ATG10: variants seen among roughly 807,000 people sequenced by gnomAD.
ATG10 encodes ubiquitin-like-conjugating enzyme ATG10.
A neutral mutation model predicts 32.1 loss-of-function variants in ATG10; 30 were observed. The observed-to-expected ratio is 0.94, with a 90% confidence interval of 0.70 to 1.27. ATG10 has a LOEUF of 1.27. Ranked by LOEUF, ATG10 falls within the 50% of genes most tolerant of loss-of-function variation. ATG10 has a pLI of 0.00. For missense variants in ATG10, 233 were observed against 262.3 expected (o/e 0.89, Z 0.77); for synonymous variants, 87 against 91.5 (o/e 0.95, Z 0.28).
chr5:82,139,559 C>T (rs1490244962), intron 3 of ATG10, among the ~76,000 whole-genome samples: 34 of 143,152 alleles, frequency 2.4e-4, no homozygotes, highest in Middle Eastern at 3.5e-3. Flanking sequence ...TGAGGAGCGT[C>T]TCTGCCCGGC....
At chr5:82,130,270 C>T (rs1766467378) in intron 3 of ATG10, among the ~76,000 whole-genome samples, 2 of 152,136 alleles carry the variant, frequency 1.3e-5, no homozygotes, top group South Asian at 4.1e-4. Flanking sequence ...TGGATCTTAG[C>T]TTGCTGTGCT....
At chr5:82,049,228 A>C (rs919417496) in intron 2 of ATG10, among the ~76,000 whole-genome samples, 2 of 151,996 alleles carry the variant, frequency 1.3e-5, no homozygotes, top group Non-Finnish European at 2.9e-5. Flanking sequence ...ATAAAAAATG[A>C]TGAGTTCATG....
chr5:82,172,166 C>T (rs1332741734), intron 4 of ATG10, among the ~76,000 whole-genome samples: 1 of 152,094 alleles, frequency 6.6e-6, no homozygotes, highest in Non-Finnish European at 1.5e-5. Context: ...ATAGGTTAGG[C>T]AGTGTTGATG....
At chr5:81,995,442 C>G (rs1761633143) in intron 2 of ATG10, among the ~76,000 whole-genome samples, 1 of 152,134 alleles carries the variant, frequency 6.6e-6, no homozygotes, top group Non-Finnish European at 1.5e-5. Flanking sequence ...CATGCCCAGC[C>G]TGAGTTTTTA....
Position 81,987,625 on chromosome 5 carries a change from T to A in ATG10, c.55T>A (p.Phe19Ile), listed in dbSNP as rs767124745. ...AACATTCCAACGTTATTGTGCAGAATTCATTAAACATTCACAACAGATAGG... is the reference window on the plus strand; with the variant it reads ...AACATTCCAACGTTATTGTGCAGAAATCATTAAACATTCACAACAGATAGG... ...EKTFQRYCAEFIKHSQQIGDS... is the reference protein window; with the variant it reads ...EKTFQRYCAEIIKHSQQIGDS... The change falls in exon 2 of 8, where the codon TTC becomes ATC. Residue 19 changes from phenylalanine to isoleucine, a missense_variant. Physicochemically the swap from Phe to Ile is conservative, Grantham distance 21. Coordinates refer to ENST00000282185, the MANE Select transcript of ATG10 (RefSeq NM_031482.5). The A allele has an allele frequency of 1.6e-5, 26 of 1,613,144 alleles. No homozygotes were observed. Among genetic ancestry groups the A allele is most frequent in the Non-Finnish European group, 2.1e-5 (25 of 1,179,754 alleles).
chr5:82,113,974 TAA>T (rs1349628767), intron 3 of ATG10, among the ~76,000 whole-genome samples: 1 of 151,984 alleles, frequency 6.6e-6, no homozygotes, highest in Non-Finnish European at 1.5e-5. Flanking sequence ...ATACATAATT[TAA>T]AAAATAATTA....
intron 3 of ATG10, among the ~76,000 whole-genome samples, chr5:82,070,761 T>C (rs960725033): frequency 2.0e-5 from 3 of 152,136 alleles, no homozygotes; most frequent in African/African-American, 7.2e-5. Flanking sequence ...TACAATCCCC[T>C]CTGTCTTCTT....
intron 3 of ATG10, among the ~76,000 whole-genome samples, chr5:82,096,711 T>G: frequency 6.6e-6 from 1 of 152,180 alleles, no homozygotes; most frequent in East Asian, 1.9e-4. Context: ...GCTAGATTGG[T>G]AATTTAGCAT....
At chr5:82,146,391 G>A (rs1393484784) in intron 3 of ATG10, among the ~76,000 whole-genome samples, 1 of 152,004 alleles carries the variant, frequency 6.6e-6, no homozygotes, top group East Asian at 1.9e-4. Flanking sequence ...ATTATGATGT[G>A]TATAGGTGTT....
intron 3 of ATG10, among the ~76,000 whole-genome samples, chr5:82,135,160 C>T (rs149774766): frequency 2.8e-4 from 43 of 152,022 alleles, no homozygotes; most frequent in Non-Finnish European, 5.0e-4. Context: ...TTTTGTTAAT[C>T]TTTTCAGAAA....
chr5:82,213,501 A>T (rs1306002444), intron 5 of ATG10, among the ~76,000 whole-genome samples: 1 of 152,234 alleles, frequency 6.6e-6, no homozygotes, highest in Admixed American at 6.5e-5. Flanking sequence ...AGAATGATGA[A>T]CTGTAACTGC....
intron 4 of ATG10, among the ~76,000 whole-genome samples, chr5:82,174,385 T>C (rs969593502): frequency 1.3e-5 from 2 of 152,196 alleles, no homozygotes; most frequent in Non-Finnish European, 2.9e-5. Flanking sequence ...AGCAAAATTA[T>C]ATACTTTTGC....
intron 3 of ATG10, 86 bp from the exon 4 acceptor site, chr5:82,164,313 G>A: frequency 7.7e-7 from 1 of 1,296,988 alleles, no homozygotes; most frequent in East Asian, 2.3e-5. Flanking sequence ...GTTATTTTGT[G>A]AGAAGAAAAT....
chr5:82,046,458 A>G (rs952025135), intron 2 of ATG10, among the ~76,000 whole-genome samples: 1 of 152,190 alleles, frequency 6.6e-6, no homozygotes, highest in Non-Finnish European at 1.5e-5. Flanking sequence ...CAACAACCAG[A>G]ATCTAGGAGG....
intron 2 of ATG10, among the ~76,000 whole-genome samples, chr5:82,057,168 A>G (rs546842504): frequency 1.4e-4 from 22 of 152,332 alleles, no homozygotes; most frequent in Middle Eastern, 3.4e-3. Flanking sequence ...TAACCAGTGC[A>G]GCCCCCTGAG....
chr5:82,099,996 CTGTGTTTTTT>C (rs1765205644), intron 3 of ATG10, among the ~76,000 whole-genome samples: 1 of 88,622 alleles, frequency 1.1e-5, no homozygotes, highest in Admixed American at 1.1e-4. Flanking sequence ...CTTTCTTTTT[CTGTGTTTTTT>C]TTTTTTTTTT....
chr5:81,975,887 TAAAG>T (rs1760858848), intron 1 of ATG10, among the ~76,000 whole-genome samples: 1 of 151,880 alleles, frequency 6.6e-6, no homozygotes, highest in Non-Finnish European at 1.5e-5. Context: ...ACATACAAAA[TAAAG>T]AGAATCAAGA....
At chr5:82,012,564 T>C (rs1186479755) in intron 2 of ATG10, among the ~76,000 whole-genome samples, 1 of 152,236 alleles carries the variant, frequency 6.6e-6, no homozygotes. Context: ...TTCCATACAA[T>C]TGGTGTACAA....
At chr5:82,132,813 G>A (rs1471228066) in intron 3 of ATG10, among the ~76,000 whole-genome samples, 5 of 152,058 alleles carry the variant, frequency 3.3e-5, no homozygotes, top group African/African-American at 4.8e-5. Flanking sequence ...AGGAATCACC[G>A]CACTGTCTTT....
Sources: allele counts gnomAD v4.1 joint callset (sites outside exome capture counted in the v4.1 genomes callset), GRCh38; gene constraint gnomAD v4.1.1; transcripts MANE v1.5; gene names NCBI Gene and HGNC (gene_info 2026-07-23, HGNC 2026-07-21).